The following CGNL1 variants were observed in gnomAD, a reference collection of about 807,000 sequenced individuals.
CGNL1 encodes the protein cingulin like 1, also known as cingulin-like protein 1.
CGNL1 carries 132 observed loss-of-function variants against 141.2 expected under a neutral mutation model. The observed-to-expected ratio is 0.93, with a 90% CI of 0.81 to 1.08. The LOEUF (loss-of-function observed/expected upper bound fraction) is 1.08, where lower values mean the gene tolerates loss of function less well. Ranked by LOEUF, CGNL1 falls within the 50% of genes least tolerant of loss-of-function variation. The pLI, the probability that CGNL1 is intolerant of heterozygous loss-of-function variation, is 0.00. For synonymous variants in CGNL1, 690 were observed against 622.1 expected, an observed-to-expected ratio of 1.11 and a Z score of -1.63; for missense variants, 1,870 against 1,588.6, an observed-to-expected ratio of 1.18 and a Z score of -3.01.
chr15:57,379,589 A>G (rs774315016), intron 1 of CGNL1, among the ~76,000 whole-genome samples: 4 of 152,190 alleles, frequency 2.6e-5, no homozygotes, highest in Non-Finnish European at 4.4e-5. Flanking sequence ...TTGGCCTTTT[A>G]AAAATATCCA....
At chr15:57,444,526 C>CT in intron 4 of CGNL1, among the ~76,000 whole-genome samples, 1 of 152,242 alleles carries the variant, frequency 6.6e-6, no homozygotes, top group South Asian at 2.1e-4. Flanking sequence ...TGAGCGCAGT[C>CT]TTTGGCCTTG....
rs1297503746 is a variant in CGNL1, at chr15:57,461,851, G to A, written c.2362G>A (p.Glu788Lys). The change falls in exon 8 of 19, where the codon GAG becomes AAG. Residue 788 changes from glutamate (E) to lysine (K), a missense_variant. By Grantham distance (56) the Glu-to-Lys change is moderately conservative. Coordinates refer to ENST00000281282, the MANE Select transcript of CGNL1 (RefSeq NM_032866.5). ...CAAGCTGAAGGAGCAATATGATGCT[G>A]AGTTGCAGGCCCTGAGGGAGAGTGT... ...MDKLKEQYDA[E>K]LQALRESVEE... The A allele has an allele frequency of 3.7e-6, 6 of 1,613,922 alleles. No individual in the cohort carries two copies. Among genetic ancestry groups the A allele is most frequent in the Non-Finnish European group, 5.1e-6 (6 of 1,180,006 alleles).
At chr15:57,486,725 A>G (rs1242707783) in intron 8 of CGNL1, among the ~76,000 whole-genome samples, 1 of 152,158 alleles carries the variant, frequency 6.6e-6, no homozygotes, top group Non-Finnish European at 1.5e-5. Context: ...CATTTTGTGC[A>G]TGTTGAATCT....
intron 1 of CGNL1, chr15:57,394,015 G>A (rs2942044): frequency 0.98 from 142,928 of 145,662 alleles, 70,176 homozygotes; most frequent in East Asian, 1. Context: ...TGCAGCCTCA[G>A]CCTCCTAGGC....
intron 8 of CGNL1, among the ~76,000 whole-genome samples, chr15:57,470,039 A>C (rs1353178017): frequency 6.6e-6 from 1 of 152,098 alleles, no homozygotes; most frequent in African/African-American, 2.4e-5. Flanking sequence ...AAAATTCCTC[A>C]TTTCCTCTGC....
rs1280358 is a variant in CGNL1, at chr15:57,517,935, T to G, written c.2611-458T>G. Among the ~76,000 whole-genome samples the G allele has an allele frequency of 3.2e-3, 470 of 144,890 alleles. 3 individuals carry two copies. The highest frequency in any genetic ancestry group is 0.011 in the African/African-American group (432 of 39,714). On this transcript the variant is annotated intron_variant, in intron 9 of 18. Transcript: ENST00000281282. Reference sequence around the variant, plus strand: ...GATACCTTTTATAAAACTGTGTGTGTGGGGGTCCATTCAATACCTACTGTT... The same window carrying G: ...GATACCTTTTATAAAACTGTGTGTGGGGGGGTCCATTCAATACCTACTGTT...
At chr15:57,478,869 G>A (rs528326311) in intron 8 of CGNL1, among the ~76,000 whole-genome samples, 6 of 152,202 alleles carry the variant, frequency 3.9e-5, no homozygotes, top group African/African-American at 1.4e-4. Flanking sequence ...GAACTCCTGG[G>A]CTCAAGTGGT....
intron 1 of CGNL1, among the ~76,000 whole-genome samples, chr15:57,387,592 C>G (rs1234661329): frequency 6.6e-6 from 1 of 152,148 alleles, no homozygotes; most frequent in Non-Finnish European, 1.5e-5. Context: ...TTCATTTCCC[C>G]ATGACTCTGC....
chr15:57,420,781 T>C (rs1486453833), intron 1 of CGNL1, among the ~76,000 whole-genome samples: 2 of 152,188 alleles, frequency 1.3e-5, no homozygotes, highest in Non-Finnish European at 2.9e-5. Flanking sequence ...AAGAGATAAA[T>C]GAGCAGGAAG....
In CGNL1 at chr15:57,531,749, G is replaced by C; in HGVS notation, c.3261G>C (p.Leu1087=). The change falls in exon 14 of 19, where the codon CTG becomes CTC. Residue 1087 remains leucine (L), a synonymous_variant. Coordinates refer to ENST00000281282, the MANE Select transcript of CGNL1 (RefSeq NM_032866.5). ...AAGAGAGAAACAACTCAGATTTGCTGTCTGAGAGGATCAGTAGGAGCAGGG... is the reference window on the plus strand; with the variant it reads ...AAGAGAGAAACAACTCAGATTTGCTCTCTGAGAGGATCAGTAGGAGCAGGG... ...LEEERNNSDL[L]SERISRSREQ... 1.2e-6 allele frequency: 2 copies of C among 1,611,326 alleles called. No homozygotes were observed. Among genetic ancestry groups the C allele is most frequent in the Non-Finnish European group, 1.7e-6 (2 of 1,177,458 alleles).
intron 8 of CGNL1, among the ~76,000 whole-genome samples, chr15:57,515,911 C>G (rs1241833457): frequency 6.6e-6 from 1 of 152,098 alleles, no homozygotes; most frequent in African/African-American, 2.4e-5. Context: ...GTAATCCCAG[C>G]ACTTTGGGAG....
At chr15:57,440,598 T>C (rs2063174562) in intron 3 of CGNL1, 127 bp downstream of exon 3, 2 of 728,518 alleles carry the variant, frequency 2.7e-6, no homozygotes, top group Non-Finnish European at 2.3e-6. Context: ...GGGTTAAAAC[T>C]CAATGGCTGG....
intron 14 of CGNL1, among the ~76,000 whole-genome samples, chr15:57,540,463 G>T (rs528778074): frequency 1.3e-5 from 2 of 152,254 alleles, no homozygotes; most frequent in South Asian, 2.1e-4. Flanking sequence ...GGAAAGACCC[G>T]CCCCCGTGAT....
chr15:57,379,513 G>C (rs1439716181), intron 1 of CGNL1, among the ~76,000 whole-genome samples: 3 of 152,160 alleles, frequency 2.0e-5, no homozygotes, highest in Non-Finnish European at 4.4e-5. Context: ...GTGAGGGAGA[G>C]TTAAAGAAAT....
intron 18 of CGNL1, 30 bp downstream of exon 18, chr15:57,546,269 G>A (rs773424556): frequency 1.0e-5 from 16 of 1,540,810 alleles, no homozygotes; most frequent in South Asian, 9.7e-5. Context: ...ACAGAGGGCC[G>A]GGTAATCTCC....
intron 8 of CGNL1, among the ~76,000 whole-genome samples, chr15:57,485,218 G>A (rs2063772032): frequency 6.6e-6 from 1 of 151,928 alleles, no homozygotes; most frequent in Non-Finnish European, 1.5e-5. Flanking sequence ...TAAGTGCTTG[G>A]GTGTTTGCCT....
chr15:57,444,276 T>C (rs1303540074), intron 4 of CGNL1, among the ~76,000 whole-genome samples: 2 of 152,336 alleles, frequency 1.3e-5, no homozygotes, highest in East Asian at 3.9e-4. Context: ...ACTCGTAGTT[T>C]TTTTTGGTAT....
At chr15:57,455,964 C>T (rs1452527991) in intron 7 of CGNL1, among the ~76,000 whole-genome samples, 2 of 152,210 alleles carry the variant, frequency 1.3e-5, no homozygotes, top group Non-Finnish European at 2.9e-5. Context: ...GTATCATTTA[C>T]TGCTGCCTTT....
chr15:57,456,551 A>G (rs1459926762), intron 7 of CGNL1, among the ~76,000 whole-genome samples: 1 of 152,112 alleles, frequency 6.6e-6, no homozygotes, highest in East Asian at 1.9e-4. Flanking sequence ...AGTAGAAAAC[A>G]CTTTCTTAGA....
Sources: gnomAD v4.1 joint callset for allele counts (sites outside exome capture counted in the v4.1 genomes callset) on GRCh38, gnomAD v4.1.1 for gene constraint, MANE v1.5 for transcripts, NCBI Gene and HGNC (gene_info 2026-07-23, HGNC 2026-07-21) for gene names.